PPP1R17: variants seen among roughly 807,000 people sequenced by gnomAD.
PPP1R17 encodes G-substrate.
A neutral mutation model predicts 15.9 loss-of-function variants in PPP1R17; 12 were observed. The ratio of observed to expected loss-of-function variants is 0.75; its 90% CI spans 0.48 to 1.22. The LOEUF (loss-of-function observed/expected upper bound fraction) is 1.22, where lower values mean the gene tolerates loss of function less well. Among genes scored for constraint, PPP1R17 ranks in the 50% most tolerant of loss-of-function variants. The pLI is 0.00. For missense variants in PPP1R17, 211 were observed against 187.3 expected (o/e 1.13, Z -0.74); for synonymous variants, 63 against 64.5 (o/e 0.98, Z 0.11).
At chr7:31,704,024 G>A (rs1361429704) in intron 4 of PPP1R17, among the ~76,000 whole-genome samples, 7 of 152,166 alleles carry the variant, frequency 4.6e-5, no homozygotes, top group African/African-American at 1.7e-4. Flanking sequence ...GCTTAAGAGT[G>A]AAAAGAAGTC....
At chr7:31,702,136 G>T (rs1792874131) in intron 4 of PPP1R17, among the ~76,000 whole-genome samples, 1 of 151,496 alleles carries the variant, frequency 6.6e-6, no homozygotes, top group Non-Finnish European at 1.5e-5. Context: ...CATTCTACAG[G>T]TTATGCTATG....
intron 4 of PPP1R17, among the ~76,000 whole-genome samples, chr7:31,698,585 G>A (rs1792712256): frequency 6.6e-6 from 1 of 152,210 alleles, no homozygotes; most frequent in African/African-American, 2.4e-5. Context: ...AGGACATGCA[G>A]AAGTCTAATC....
chr7:31,707,439 A>G lies in PPP1R17; in HGVS notation c.*156A>G. On this transcript the variant is annotated 3_prime_UTR_variant, in exon 5 of 5. Coordinates refer to ENST00000342032, the MANE Select transcript of PPP1R17 (RefSeq NM_006658.5). The stretch of plus-strand genomic sequence containing the variant: ...AGGAGATGTATGCCATCAAATTGCC[A>G]GTCACCTCTTTGTCTCTCTCTTCTT... 5.0e-6 allele frequency: 3 copies of G among 605,362 alleles called. No individual in the cohort carries two copies. The South Asian group carries it at 6.7e-5, about 14-fold the overall frequency. The allele number at this position is 605,362 out of a possible 1,614,324, so 37.5% of individuals were successfully genotyped here. A position where few individuals can be genotyped will look rare whatever the true frequency, so the allele number is the denominator to read the frequency against.
At chr7:31,694,101 G>A (rs1400864423) in intron 2 of PPP1R17, among the ~76,000 whole-genome samples, 2 of 152,180 alleles carry the variant, frequency 1.3e-5, no homozygotes, top group Non-Finnish European at 2.9e-5. Flanking sequence ...TAAGGCACCT[G>A]TCAGTAAAGA....
Position 31,695,565 on chromosome 7 carries a change from A to C in PPP1R17, c.179A>C (p.Gln60Pro). 2 of 1,609,046 alleles carry C rather than the reference A, an allele frequency of 1.2e-6. No individual in the cohort carries two copies. The highest frequency in any genetic ancestry group is 1.7e-6 in the Non-Finnish European group (2 of 1,177,544). Residue 60 changes from glutamine (Q) to proline (P), a missense_variant, in exon 3 of 5, where the codon CAA (glutamine) becomes CCA (proline). By Grantham distance (76) the Gln-to-Pro change is moderately conservative. Transcript: ENST00000342032. ...GCCACCCTGAATGTTGAGTCAGACC[A>C]AAAAAAACCAAGGAGGAAAGATACA... ...VQATLNVESD[Q>P]KKPRRKDTPA...
Position 31,697,081 on chromosome 7 carries a change from G to T in PPP1R17, c.352G>T (p.Asp118Tyr), listed in dbSNP as rs1792616936. ...DLEQKKPRRK[D>Y]TPALHMSPFA... ...GGAACAGAAAAAGCCAAGGAGAAAA[G>T]ACACACCTGCCCTGCACATGTCCCC... Residue 118 changes from aspartate to tyrosine, a missense_variant, in exon 4 of 5, where the codon GAC becomes TAC. Physicochemically the swap from Asp to Tyr is radical, Grantham distance 160 (BLOSUM62 -3). Coordinates refer to ENST00000342032, the MANE Select transcript of PPP1R17 (RefSeq NM_006658.5). 1 of 1,613,966 alleles carries T rather than the reference G, an allele frequency of 6.2e-7. No homozygotes were observed. The highest frequency in any genetic ancestry group is 1.1e-5 in the South Asian group (1 of 91,078).
chr7:31,690,493 TG>T (rs1792296707), intron 1 of PPP1R17, among the ~76,000 whole-genome samples: 3 of 152,242 alleles, frequency 2.0e-5, no homozygotes, highest in African/African-American at 7.2e-5. Context: ...TTAACTTGTG[TG>T]GAGAGGGGGC....
Position 31,707,128 on chromosome 7 carries a change from T to C in PPP1R17, c.389-76T>C, listed in dbSNP as rs1583863588. On this transcript the variant is annotated intron_variant, in intron 4 of 4. Transcript: ENST00000342032. ...GTTTCTGGGTTGCCATGCTCCTTTG[T>C]ACTGTGTCTGTCTGCAACGTTGCCT... 2.2e-6 allele frequency: 3 copies of C among 1,373,744 alleles called. No homozygotes were observed. The East Asian group carries it at 7.0e-5, about 32-fold the overall frequency. The allele number at this position is 1,373,744 out of a possible 1,614,324, so 85.1% of individuals were successfully genotyped here. A position where few individuals can be genotyped will look rare whatever the true frequency, so the allele number is the denominator to read the frequency against.
At chr7:31,687,957 G>T (rs1333833472) in intron 1 of PPP1R17, among the ~76,000 whole-genome samples, 3 of 152,140 alleles carry the variant, frequency 2.0e-5, no homozygotes, top group Middle Eastern at 3.2e-3. Flanking sequence ...GTTCTATTAT[G>T]TTCCCAAGAT....
At chr7:31,705,941 A>T (rs950925619) in intron 4 of PPP1R17, among the ~76,000 whole-genome samples, 4 of 145,254 alleles carry the variant, frequency 2.8e-5, no homozygotes, top group Non-Finnish European at 4.5e-5. Flanking sequence ...TGGGGTGATC[A>T]GTCCAGAAAA....
rs200714323 is a variant in PPP1R17 at position 31,705,912 on chromosome 7, C to T, written c.389-1292C>T. On this transcript the variant is annotated intron_variant, in intron 4 of 4. Transcript: ENST00000342032. ...ACAGGATGAGCAGAACCATGTGGCC[C>T]TTCTTGGCTGGTCCTTTCTGGGGTG... 5.3e-5 allele frequency among the ~76,000 whole-genome samples: 8 copies of T among 150,282 alleles called. No individual in the cohort carries two copies. In the East Asian group the frequency reaches 1.4e-3, roughly 26 times the overall value.
intron 1 of PPP1R17, among the ~76,000 whole-genome samples, chr7:31,687,756 G>T (rs1289668486): frequency 6.6e-6 from 1 of 152,086 alleles, no homozygotes; most frequent in South Asian, 2.1e-4. Flanking sequence ...CAATCCTCTG[G>T]TTAAAAAGAG....
intron 4 of PPP1R17, among the ~76,000 whole-genome samples, chr7:31,706,447 G>A (rs549650884): frequency 6.6e-6 from 1 of 152,182 alleles, no homozygotes; most frequent in East Asian, 1.9e-4. Context: ...CCCAAAAGAA[G>A]GAAAATAATC....
chr7:31,694,762 G>T (rs1792503265), intron 2 of PPP1R17, among the ~76,000 whole-genome samples: 1 of 152,058 alleles, frequency 6.6e-6, no homozygotes, highest in Admixed American at 6.5e-5. Context: ...GAATGGGCAG[G>T]GCGTGATCAG....
chr7:31,699,349 G>T (rs1028595839), intron 4 of PPP1R17, among the ~76,000 whole-genome samples: 13 of 152,144 alleles, frequency 8.5e-5, no homozygotes, highest in African/African-American at 2.9e-4. Context: ...AACAGAGAGG[G>T]GAGCAAGCTA....
Position 31,692,457 on chromosome 7 carries a change from C to A in PPP1R17, c.16C>A (p.Gln6Lys). 3.1e-6 allele frequency: 5 copies of A among 1,610,852 alleles called. No individual in the cohort carries two copies. Among genetic ancestry groups the A allele is most frequent in the Non-Finnish European group, 4.2e-6 (5 of 1,177,092 alleles). Residue 6 changes from glutamine (Q) to lysine (K), a missense_variant, in exon 2 of 5, where the codon CAA becomes AAA. Transcript: ENST00000342032. ...CCCTCCTTTGATGATGTCCACTGAGCAAATGCAGCCACTGGAACTCTCAGA... is the reference window on the plus strand; with the variant it reads ...CCCTCCTTTGATGATGTCCACTGAGAAAATGCAGCCACTGGAACTCTCAGA... MMSTE[Q>K]MQPLELSEDR...
At chr7:31,706,383 T>A (rs1583862200) in intron 4 of PPP1R17, among the ~76,000 whole-genome samples, 1 of 152,270 alleles carries the variant, frequency 6.6e-6, no homozygotes, top group East Asian at 1.9e-4. Flanking sequence ...AAGGTTGCAT[T>A]TCAAAAACCT....
intron 4 of PPP1R17, among the ~76,000 whole-genome samples, chr7:31,705,944 C>G (rs1793048236): frequency 6.8e-6 from 1 of 146,918 alleles, no homozygotes; most frequent in Non-Finnish European, 1.5e-5. Context: ...GGTGATCAGT[C>G]CAGAAAATTG....
At chr7:31,702,807 G>A (rs1583853837) in intron 4 of PPP1R17, among the ~76,000 whole-genome samples, 1 of 152,118 alleles carries the variant, frequency 6.6e-6, no homozygotes, top group African/African-American at 2.4e-5. Context: ...CTGGTTTGAT[G>A]TTTTATCTGG....
Sources: allele counts gnomAD v4.1 joint callset (sites outside exome capture counted in the v4.1 genomes callset), GRCh38; gene constraint gnomAD v4.1.1; transcripts MANE v1.5; gene names NCBI Gene and HGNC (gene_info 2026-07-23, HGNC 2026-07-21).